UBE2E2: variants seen among roughly 807,000 people sequenced by gnomAD.
UBE2E2 encodes ubiquitin-conjugating enzyme E2 E2.
Under a neutral mutation model 24.7 loss-of-function variants are expected in UBE2E2, and 6 were observed. The observed-to-expected ratio is 0.24, with a 90% CI of 0.13 to 0.48. UBE2E2 has a LOEUF of 0.48. UBE2E2 is among the 20% of genes least tolerant of loss of function. The pLI, the probability that UBE2E2 is intolerant of heterozygous loss-of-function variation, is 0.99. For missense variants in UBE2E2, 169 were observed against 245.0 expected (o/e 0.69, Z 2.07); for synonymous variants, 104 against 83.6 (o/e 1.24, Z -1.33).
chr3:23,335,235 G>C (rs978470711), intron 3 of UBE2E2, among the ~76,000 whole-genome samples: 1 of 152,150 alleles, frequency 6.6e-6, no homozygotes, highest in African/African-American at 2.4e-5. Context: ...GGTCAATTCT[G>C]ATGGGGGTAA....
chr3:23,238,299 C>T (rs1403122948), intron 3 of UBE2E2, among the ~76,000 whole-genome samples: 1 of 152,110 alleles, frequency 6.6e-6, no homozygotes, highest in Non-Finnish European at 1.5e-5. Flanking sequence ...CAAGATCCGC[C>T]ACTGTGAAAT....
At chr3:23,432,110 A>T (rs927774643) in intron 3 of UBE2E2, among the ~76,000 whole-genome samples, 43 of 152,310 alleles carry the variant, frequency 2.8e-4, no homozygotes, top group Non-Finnish European at 4.9e-4. Context: ...GTTTTTCATT[A>T]ATTTCTCTTT....
intron 3 of UBE2E2, among the ~76,000 whole-genome samples, chr3:23,380,273 G>A (rs1178732966): frequency 1.3e-5 from 2 of 152,256 alleles, no homozygotes; most frequent in East Asian, 1.9e-4. Context: ...AGGCAGGAGG[G>A]CAGTGGTGCA....
chr3:23,229,682 A>G (rs1696923220), intron 3 of UBE2E2, among the ~76,000 whole-genome samples: 1 of 152,186 alleles, frequency 6.6e-6, no homozygotes, highest in African/African-American at 2.4e-5. Flanking sequence ...CATTTGCAAA[A>G]CAGATTTAGG....
At chr3:23,519,007 C>T (rs1020052744) in intron 4 of UBE2E2, among the ~76,000 whole-genome samples, 3 of 152,164 alleles carry the variant, frequency 2.0e-5, no homozygotes, top group East Asian at 1.9e-4. Context: ...CCTAAAACAC[C>T]TCTTTCATCA....
intron 3 of UBE2E2, among the ~76,000 whole-genome samples, chr3:23,297,740 T>C (rs1388853459): frequency 6.6e-6 from 1 of 152,200 alleles, no homozygotes; most frequent in Non-Finnish European, 1.5e-5. Flanking sequence ...AGCTTTGTTC[T>C]TTTGGCTTAG....
chr3:23,551,539 G>A (rs908504357), intron 5 of UBE2E2, among the ~76,000 whole-genome samples: 1 of 152,134 alleles, frequency 6.6e-6, no homozygotes, highest in Non-Finnish European at 1.5e-5. Flanking sequence ...TTACATGGCT[G>A]GCCATTTACA....
Position 23,392,248 on chromosome 3 carries a change from C to G in UBE2E2, c.228-107360C>G, listed in dbSNP as rs183187205. Among the ~76,000 whole-genome samples the G allele has an allele frequency of 3.9e-5, 6 of 152,292 alleles. No individual in the cohort carries two copies. The East Asian group carries it at 9.6e-4, about 24-fold the overall frequency. On this transcript the variant is annotated intron_variant, in intron 3 of 5. Coordinates refer to ENST00000396703, the MANE Select transcript of UBE2E2 (RefSeq NM_152653.4). ...TAATATATAACATTATGCTAGCACA[C>G]TCAACCAATTTGTTTACTCATTCAC...
At chr3:23,471,058 G>A (rs1169398552) in intron 3 of UBE2E2, among the ~76,000 whole-genome samples, 21 of 152,138 alleles carry the variant, frequency 1.4e-4, no homozygotes, top group Admixed American at 1.4e-3. Flanking sequence ...AAGAAAAACA[G>A]AAGTCCACAT....
intron 5 of UBE2E2, among the ~76,000 whole-genome samples, chr3:23,553,163 A>T (rs1239718024): frequency 6.6e-6 from 1 of 152,190 alleles, no homozygotes; most frequent in African/African-American, 2.4e-5. Flanking sequence ...TAAAATTAAT[A>T]AATTACTTGA....
At chr3:23,458,423 G>GGTGGTGGTGGTGGTGGTGGTT (rs1353610864) in intron 3 of UBE2E2, among the ~76,000 whole-genome samples, 1 of 150,060 alleles carries the variant, frequency 6.7e-6, no homozygotes, top group East Asian at 2.0e-4. Context: ...TGGTGGTGGT[G>GGTGGTGGTGGTGGTGGTGGTT]GTGGTTGTTG....
chr3:23,304,074 T>C (rs1699179168), intron 3 of UBE2E2, among the ~76,000 whole-genome samples: 1 of 152,208 alleles, frequency 6.6e-6, no homozygotes, highest in Admixed American at 6.5e-5. Flanking sequence ...AACAGTTAGC[T>C]ACTATCCTGC....
chr3:23,583,757 A>G lies in UBE2E2; in HGVS notation c.509-5977A>G, dbSNP rs974595745. ...ATAGAAATGCTACTGATTTTTGTGC[A>G]TTGATTTTGTATCCTGACACTTTGC... On this transcript the variant is annotated intron_variant, in intron 5 of 5. Coordinates refer to ENST00000396703, the MANE Select transcript of UBE2E2 (RefSeq NM_152653.4). The surrounding 1 kb of genome is among the most constrained non-coding windows in gnomAD (Gnocchi z 4.1). Among the ~76,000 whole-genome samples the G allele has an allele frequency of 6.6e-6, 1 of 152,154 alleles. No homozygotes were observed. Among genetic ancestry groups the G allele is most frequent in the Non-Finnish European group, 1.5e-5 (1 of 68,032 alleles).
chr3:23,261,484 A>G (rs1315502425), intron 3 of UBE2E2, among the ~76,000 whole-genome samples: 3 of 152,122 alleles, frequency 2.0e-5, no homozygotes, highest in African/African-American at 7.2e-5. Context: ...GAGAGAGAAC[A>G]TTAGGATGTA....
At chr3:23,437,564 T>C (rs867160140) in intron 3 of UBE2E2, among the ~76,000 whole-genome samples, 1 of 152,158 alleles carries the variant, frequency 6.6e-6, no homozygotes, top group Non-Finnish European at 1.5e-5. Context: ...TCATTAAGGG[T>C]AAAAGAAGTA....
At chr3:23,446,859 A>G (rs1007925482) in intron 3 of UBE2E2, among the ~76,000 whole-genome samples, 6 of 151,964 alleles carry the variant, frequency 3.9e-5, no homozygotes, top group Non-Finnish European at 5.9e-5. Context: ...GCCTCCATAA[A>G]CCCTCACTCT....
chr3:23,227,344 A>G (rs1696854864), intron 3 of UBE2E2, among the ~76,000 whole-genome samples: 1 of 152,160 alleles, frequency 6.6e-6, no homozygotes, highest in Admixed American at 6.5e-5. Context: ...CATACTACAT[A>G]TATTTTTGTC....
chr3:23,495,126 A>G (rs567215806), intron 3 of UBE2E2, among the ~76,000 whole-genome samples: 1 of 152,274 alleles, frequency 6.6e-6, no homozygotes, highest in East Asian at 1.9e-4. Flanking sequence ...AGATTTCTTA[A>G]AGTGGCACAC....
At chr3:23,436,745 C>G (rs1259110431) in intron 3 of UBE2E2, among the ~76,000 whole-genome samples, 1 of 152,114 alleles carries the variant, frequency 6.6e-6, no homozygotes, top group African/African-American at 2.4e-5. Context: ...CTTAAGTTCC[C>G]CCTCTGCAGC....
Sources: allele counts gnomAD v4.1 joint callset (sites outside exome capture counted in the v4.1 genomes callset), GRCh38; gene constraint gnomAD v4.1.1; non-coding constraint Gnocchi (gnomAD v3.1); transcripts MANE v1.5; gene names NCBI Gene and HGNC (gene_info 2026-07-23, HGNC 2026-07-21).